ASB1: variants seen among roughly 807,000 people sequenced by gnomAD.
ASB1 encodes ankyrin repeat and SOCS box containing 1.
In ASB1, 18 loss-of-function variants were observed where a neutral mutation model predicts 27.7. That is an observed-to-expected ratio of 0.65 (90% CI 0.45 to 0.96). The LOEUF (loss-of-function observed/expected upper bound fraction) is 0.96, where lower values mean the gene tolerates loss of function less well. Ranked by LOEUF, ASB1 falls within the 50% of genes least tolerant of loss-of-function variation. The pLI, the probability that ASB1 is intolerant of heterozygous loss-of-function variation, is 0.00. For missense variants in ASB1, 397 were observed against 451.7 expected, an observed-to-expected ratio of 0.88 and a Z score of 1.10; for synonymous variants, 189 against 187.6, an observed-to-expected ratio of 1.01 and a Z score of -0.06.
At chr2:238,442,541 G>A (rs1702098679) in intron 3 of ASB1, among the ~76,000 whole-genome samples, 1 of 152,042 alleles carries the variant, frequency 6.6e-6, no homozygotes, top group Non-Finnish European at 1.5e-5. Flanking sequence ...TACTTACGTT[G>A]TTTTGTCATG....
intron 3 of ASB1, among the ~76,000 whole-genome samples, chr2:238,436,925 A>G (rs1055214659): frequency 6.6e-6 from 1 of 152,222 alleles, no homozygotes; most frequent in Admixed American, 6.5e-5. Flanking sequence ...AACTCATAAA[A>G]GTTCCTGCTT....
chr2:238,429,471 C>T (rs1406477571), intron 1 of ASB1, among the ~76,000 whole-genome samples: 5 of 152,150 alleles, frequency 3.3e-5, no homozygotes, highest in South Asian at 2.1e-4. Flanking sequence ...TTTCCATTCT[C>T]GCTGATTGTG....
Position 238,446,631 on chromosome 2 carries a change from C to T in ASB1, c.*120C>T. 7.5e-7 allele frequency: 1 copy of T among 1,328,306 alleles called. No individual in the cohort carries two copies. The highest frequency in any genetic ancestry group is 1.1e-6 in the Non-Finnish European group (1 of 938,956). 82.3% of individuals were successfully genotyped at this position (1,328,306 alleles called of 1,614,324 possible). On this transcript the variant is annotated 3_prime_UTR_variant, in exon 5 of 5. Coordinates refer to ENST00000264607, the MANE Select transcript of ASB1 (RefSeq NM_001040445.3). ...GATGGCTGTTGCTGCAGAAGATGTCCTCGTAGACTGTCATTGCTCCTCAGG... is the reference window on the plus strand; with the variant it reads ...GATGGCTGTTGCTGCAGAAGATGTCTTCGTAGACTGTCATTGCTCCTCAGG...
At chr2:238,440,619 C>T (rs578152957) in intron 3 of ASB1, among the ~76,000 whole-genome samples, 18 of 152,202 alleles carry the variant, frequency 1.2e-4, no homozygotes, top group Admixed American at 2.0e-4. Context: ...AGGACTCTGA[C>T]TCTGAGCCAG....
rs922502506 is a variant in ASB1, at chr2:238,426,995, A to G, written c.-76A>G. On this transcript the variant is annotated 5_prime_UTR_variant, in exon 1 of 5. Coordinates refer to ENST00000264607, the MANE Select transcript of ASB1 (RefSeq NM_001040445.3). ...GCCCCCCATTGCCCTCGGCGCCGGA[A>G]GTGGTCGCGGGTCGTTCTGCTTCCT... 4 of 1,159,442 alleles carry G rather than the reference A, an allele frequency of 3.4e-6. No individual in the cohort carries two copies. The highest frequency in any genetic ancestry group is 8.6e-5 in the Admixed American group (2 of 23,212). The allele number at this position is 1,159,442 out of a possible 1,614,324, so 71.8% of individuals were successfully genotyped here.
At chr2:238,432,100 T>C (rs1701881681) in intron 1 of ASB1, among the ~76,000 whole-genome samples, 1 of 152,158 alleles carries the variant, frequency 6.6e-6, no homozygotes, top group Admixed American at 6.5e-5. Context: ...CGGTATTAGG[T>C]TGTTTATACT....
Position 238,435,704 on chromosome 2 carries a change from C to T in ASB1, c.192-7C>T, listed in dbSNP as rs767615957. The stretch of plus-strand genomic sequence containing the variant: ...CTCTCATGAGCCCCCTTGTGTTCCT[C>T]CTGCAGCCGCATCAACGAGAAGTCT... On this transcript the variant is annotated splice_region_variant and splice_polypyrimidine_tract_variant and intron_variant, in intron 2 of 4. Coordinates refer to ENST00000264607, the MANE Select transcript of ASB1 (RefSeq NM_001040445.3). 2.5e-6 allele frequency: 4 copies of T among 1,607,736 alleles called. No individual in the cohort carries two copies. The African/African-American group carries it at 4.0e-5, about 16-fold the overall frequency.
At chr2:238,434,342 G>A (rs1339096998) in intron 2 of ASB1, among the ~76,000 whole-genome samples, 1 of 152,170 alleles carries the variant, frequency 6.6e-6, no homozygotes, top group Non-Finnish European at 1.5e-5. Context: ...TTGCTCTCTG[G>A]ACTGTTCTCT....
At chr2:238,440,502 C>G (rs1253501922) in intron 3 of ASB1, among the ~76,000 whole-genome samples, 1 of 152,214 alleles carries the variant, frequency 6.6e-6, no homozygotes, top group African/African-American at 2.4e-5. Flanking sequence ...GTCCTGTTGT[C>G]CCCTGTGTGG....
Position 238,435,790 on chromosome 2 carries a change from G to A in ASB1, c.271G>A (p.Gly91Arg). The A allele has an allele frequency of 9.9e-6, 16 of 1,614,162 alleles. No individual in the cohort carries two copies. Among genetic ancestry groups the A allele is most frequent in the Non-Finnish European group, 1.3e-5 (15 of 1,180,032 alleles). The change falls in exon 3 of 5, where the codon GGG becomes AGG. Residue 91 changes from glycine to arginine, a missense_variant. Gly to Arg is a moderately radical substitution (Grantham distance 125). Transcript: ENST00000264607. ...GCGAATCGCGGCCACTGCAGGCCAT[G>A]GGAGCTGTGTGGACTTCCTCATCCG... is the stretch of plus-strand genomic sequence containing the variant. ...PLRIAATAGH[G>R]SCVDFLIRKG...
Position 238,430,648 on chromosome 2 carries a change from A to G in ASB1, c.50-2906A>G, listed in dbSNP as rs559946514. Reference sequence around the variant, plus strand: ...TTTCAGTTCATTTTTGCGCAGATCCATGAGAGGAACCACTACCTATGGCAG... The same window carrying G: ...TTTCAGTTCATTTTTGCGCAGATCCGTGAGAGGAACCACTACCTATGGCAG... On this transcript the variant is annotated intron_variant, in intron 1 of 4. Coordinates refer to ENST00000264607, the MANE Select transcript of ASB1 (RefSeq NM_001040445.3). Among the ~76,000 whole-genome samples, 11 of 152,380 alleles carry G rather than the reference A, an allele frequency of 7.2e-5. 1 individual carries two copies. The South Asian group carries it at 2.1e-3, about 29-fold the overall frequency.
intron 1 of ASB1, among the ~76,000 whole-genome samples, chr2:238,430,744 T>C (rs1449787472): frequency 6.6e-6 from 1 of 152,248 alleles, no homozygotes; most frequent in African/African-American, 2.4e-5. Flanking sequence ...ATCCATTGGC[T>C]GCGGAATGGC....
rs1575012325 is a variant in ASB1 at position 238,451,123 on chromosome 2, C to T, written c.*4612C>T. 1 of 147,720 alleles carries T rather than the reference C, an allele frequency of 6.8e-6. No individual in the cohort carries two copies. Among genetic ancestry groups the T allele is most frequent in the South Asian group, 2.1e-4 (1 of 4,706 alleles). 9.2% of individuals were successfully genotyped at this position (147,720 alleles called of 1,614,324 possible). On this transcript the variant is annotated 3_prime_UTR_variant, in exon 5 of 5. Coordinates refer to ENST00000264607, the MANE Select transcript of ASB1 (RefSeq NM_001040445.3). ...ACAGTTTAGATGTGTACATGATGCACGTGGGTGGGATTCACATCCCAGGAG... is the reference window on the plus strand; with the variant it reads ...ACAGTTTAGATGTGTACATGATGCATGTGGGTGGGATTCACATCCCAGGAG...
intron 1 of ASB1, among the ~76,000 whole-genome samples, chr2:238,433,099 T>G (rs1701901301): frequency 6.6e-6 from 1 of 152,214 alleles, no homozygotes; most frequent in Non-Finnish European, 1.5e-5. Flanking sequence ...CAGGTTTGCC[T>G]TATCAGTGGA....
rs990774110 is a variant in ASB1, at chr2:238,427,025, G to GAGGGGCGTGCGCGGGTC, written c.-38_-22dup. Reference sequence around the variant, plus strand: ...TCGCGGGTCGTTCTGCTTCCTGCCCGAGGGGCGTGCGCGGGTCAGGGGCGG... The same window carrying GAGGGGCGTGCGCGGGTC: ...TCGCGGGTCGTTCTGCTTCCTGCCCGAGGGGCGTGCGCGGGTCAGGGGCGTGCGCGGGTCAGGGGCGG... On this transcript the variant is annotated 5_prime_UTR_variant, in exon 1 of 5. Coordinates refer to ENST00000264607, the MANE Select transcript of ASB1 (RefSeq NM_001040445.3). 7 of 1,235,582 alleles carry GAGGGGCGTGCGCGGGTC rather than the reference G, an allele frequency of 5.7e-6. No individual in the cohort carries two copies. Among genetic ancestry groups the GAGGGGCGTGCGCGGGTC allele is most frequent in the Admixed American group, 4.2e-5 (1 of 23,594 alleles). The allele number at this position is 1,235,582 out of a possible 1,614,324, so 76.5% of individuals were successfully genotyped here.
At chr2:238,441,062 A>G (rs1651957095) in intron 3 of ASB1, among the ~76,000 whole-genome samples, 1 of 152,104 alleles carries the variant, frequency 6.6e-6, no homozygotes, top group African/African-American at 2.4e-5. Flanking sequence ...CTGAAAAGAA[A>G]GATGTCCTAG....
Position 238,444,710 on chromosome 2 carries a change from T to C in ASB1, c.863T>C (p.Val288Ala), listed in dbSNP as rs781027684. ...RRKVDPEALQ[V>A]FKEARSVPRT... Reference sequence around the variant, plus strand: ...AAAGTGGACCCTGAGGCCTTGCAGGTCTTTAAAGAGGCCAGAAGTAAGTGG... The same window carrying C: ...AAAGTGGACCCTGAGGCCTTGCAGGCCTTTAAAGAGGCCAGAAGTAAGTGG... The change falls in exon 4 of 5, where the codon GTC (valine) becomes GCC (alanine). Residue 288 changes from valine to alanine, a missense_variant. Val to Ala is a moderately conservative substitution (Grantham distance 64). Coordinates refer to ENST00000264607, the MANE Select transcript of ASB1 (RefSeq NM_001040445.3). The C allele has an allele frequency of 6.2e-7, 1 of 1,611,464 alleles. No homozygotes were observed. Among genetic ancestry groups the C allele is most frequent in the Non-Finnish European group, 8.5e-7 (1 of 1,178,630 alleles).
At position 238,452,215 on chromosome 2, in the gene ASB1, C is replaced by T. The variant is rs780667966; in HGVS notation, c.*5704C>T. ...AGATGTGGGATGAACCTGGAATGAA[C>T]GAATTAAATAAAGACATGCATCCAT... On this transcript the variant is annotated 3_prime_UTR_variant, in exon 5 of 5. Transcript: ENST00000264607. 8 of 152,170 alleles carry T rather than the reference C, an allele frequency of 5.3e-5. No homozygotes were observed. The highest frequency in any genetic ancestry group is 1.9e-4 in the African/African-American group (8 of 41,422). 9.4% of individuals were successfully genotyped at this position (152,170 alleles called of 1,614,324 possible).
At chr2:238,434,983 C>T (rs1052702259) in intron 2 of ASB1, among the ~76,000 whole-genome samples, 3 of 152,214 alleles carry the variant, frequency 2.0e-5, no homozygotes, top group African/African-American at 4.8e-5. Context: ...GCTTCCCCTG[C>T]ATGTTCCTGG....
Sources: gnomAD v4.1 joint callset for allele counts (sites outside exome capture counted in the v4.1 genomes callset) on GRCh38, gnomAD v4.1.1 for gene constraint, MANE v1.5 for transcripts, NCBI Gene and HGNC (gene_info 2026-07-23, HGNC 2026-07-21) for gene names.